Variants in DMD observed in about 807,000 individuals in gnomAD.
DMD encodes dystrophin.
A neutral mutation model predicts 330.1 loss-of-function variants in DMD; 63 were observed. The ratio of observed to expected loss-of-function variants is 0.19; its 90% confidence interval spans 0.16 to 0.24. The LOEUF (loss-of-function observed/expected upper bound fraction) is 0.24. DMD is among the 10% of genes least tolerant of loss of function. The pLI is 1.00. For missense variants in DMD, 3,344 were observed against 2,684.1 expected (o/e 1.25, Z -5.43); for synonymous variants, 1,223 against 959.8 (o/e 1.27, Z -5.07).
chrX:32,596,833 C>A (rs771406846), intron 12 of DMD, among the ~76,000 whole-genome samples: 160 of 111,392 alleles, frequency 1.4e-3, no homozygotes, highest in South Asian at 2.3e-3. Flanking sequence ...AAACGTGAGC[C>A]ACTGTGCCTG....
chrX:32,912,978 A>G (rs1469036245), intron 2 of DMD, among the ~76,000 whole-genome samples: 1 of 112,581 alleles, frequency 8.9e-6, no homozygotes, highest in East Asian at 2.8e-4. Flanking sequence ...TAGTATAACA[A>G]CATCAACCTA....
rs902028992 is a variant in DMD, at chrX:32,996,597, C to A, written c.93+23542G>T. Among the ~76,000 whole-genome samples the A allele has an allele frequency of 3.1e-3, 344 of 111,166 alleles. 1 individual carries two copies. The highest frequency in any genetic ancestry group is 0.01 in the African/African-American group (309 of 30,631). On this transcript the variant is annotated intron_variant, in intron 2 of 78. Transcript: ENST00000357033. ...CAGCACTTTGGGAGGCAGAGGCGGG[C>A]GGGTCACCTGAGGTCAGGAGTTCGA...
intron 29 of DMD, among the ~76,000 whole-genome samples, chrX:32,415,016 C>G (rs1003547006): frequency 3.6e-5 from 4 of 111,512 alleles, no homozygotes; most frequent in African/African-American, 1.3e-4. Context: ...ACAGCTCTTC[C>G]AAAGAAATGG....
chrX:32,540,714 T>C (rs1245761958), intron 17 of DMD, among the ~76,000 whole-genome samples: 2 of 111,963 alleles, frequency 1.8e-5, no homozygotes, highest in African/African-American at 6.5e-5. Flanking sequence ...CTTCCTTTGT[T>C]TTGACGGGCA....
chrX:32,581,632 G>T (rs750173940), intron 13 of DMD, among the ~76,000 whole-genome samples: 1 of 111,599 alleles, frequency 9.0e-6, no homozygotes, highest in Non-Finnish European at 1.9e-5. Context: ...AATTAAAAAT[G>T]GACATTTTTA....
chrX:31,764,995 G>C (rs939910004), intron 51 of DMD, among the ~76,000 whole-genome samples: 7 of 108,881 alleles, frequency 6.4e-5, no homozygotes, highest in Non-Finnish European at 1.3e-4. Context: ...AGAAACCGTG[G>C]CATTATTTTT....
chrX:32,486,717 C>A (rs1280900646), intron 20 of DMD, among the ~76,000 whole-genome samples: 1 of 106,024 alleles, frequency 9.4e-6, no homozygotes, highest in Non-Finnish European at 1.9e-5. Flanking sequence ...ACTATCTGAT[C>A]TTTGACAAAC....
rs398123988 is a variant in DMD at position 32,348,530 on chromosome X, T to TA, written c.5326-3dup. On this transcript the variant is annotated splice_region_variant and splice_polypyrimidine_tract_variant and intron_variant, in intron 37 of 78. Transcript: ENST00000357033. ...CAATTCCTTCAAAGGAATGGAGGCC[T>TA]AAAAAAAAAGATAGTGCTACTTTAA... 5.6e-5 allele frequency: 66 copies of TA among 1,174,873 alleles called. No individual in the cohort carries two copies. Among genetic ancestry groups the TA allele is most frequent in the Admixed American group, 1.8e-4 (8 of 43,356 alleles).
At chrX:31,469,898 T>C (rs1326048876) in intron 59 of DMD, among the ~76,000 whole-genome samples, 3 of 111,323 alleles carry the variant, frequency 2.7e-5, no homozygotes, top group African/African-American at 9.8e-5. Flanking sequence ...AATCTTCTCT[T>C]CATGCTTTAT....
At chrX:32,116,482 A>G (rs1346278604) in intron 44 of DMD, among the ~76,000 whole-genome samples, 1 of 112,325 alleles carries the variant, frequency 8.9e-6, no homozygotes, top group Non-Finnish European at 1.9e-5. Context: ...TACCTGGCAT[A>G]TATCATGTAC....
At chrX:31,644,345 A>AAC (rs922236271) in intron 54 of DMD, among the ~76,000 whole-genome samples, 37 of 111,394 alleles carry the variant, frequency 3.3e-4, no homozygotes, top group African/African-American at 9.1e-4. Flanking sequence ...GCAATGTAAA[A>AAC]ACACACACAC....
At chrX:32,655,184 TG>T (rs752721462) in intron 9 of DMD, among the ~76,000 whole-genome samples, 2 of 111,883 alleles carry the variant, frequency 1.8e-5, no homozygotes, top group Non-Finnish European at 3.8e-5. Context: ...TGCTAGCTTT[TG>T]AATGTGTTTG....
rs901919231 is a variant in DMD at position 31,729,583 on chromosome X, T to G, written c.7660+48A>C. 6 of 970,646 alleles carry G rather than the reference T, an allele frequency of 6.2e-6. No individual in the cohort carries two copies. The Admixed American group carries it at 1.3e-4, about 21-fold the overall frequency. 80.0% of individuals were successfully genotyped at this position (970,646 alleles called of 1,213,427 possible). A position where few individuals can be genotyped will look rare whatever the true frequency, so the allele number is the denominator to read the frequency against. ...TATGAACTTAAGTTTTTATTGAAAC[T>G]TGTCATGCATCTTGCTTTGTGTGTC... is the stretch of plus-strand genomic sequence containing the variant. On this transcript the variant is annotated intron_variant, in intron 52 of 78. Coordinates refer to ENST00000357033, the MANE Select transcript of DMD (RefSeq NM_004006.3).
chrX:32,563,842 C>T (rs981967649), intron 16 of DMD, among the ~76,000 whole-genome samples: 1 of 111,974 alleles, frequency 8.9e-6, no homozygotes, highest in Non-Finnish European at 1.9e-5. Context: ...GGGATTCACA[C>T]ACATATCACT....
chrX:31,828,910 A>G (rs1488864470), intron 49 of DMD, among the ~76,000 whole-genome samples: 2 of 111,606 alleles, frequency 1.8e-5, no homozygotes, highest in African/African-American at 6.5e-5. Flanking sequence ...CCAGAAAAGG[A>G]AATAACAAAA....
intron 52 of DMD, among the ~76,000 whole-genome samples, chrX:31,713,279 ACAGT>A (rs78219542): frequency 0.42 from 46,328 of 109,758 alleles, 8,069 homozygotes; most frequent in African/African-American, 0.63. Context: ...ACTTCAGTAG[ACAGT>A]CAGTCAACAC....
At chrX:33,026,248 C>G (rs760376245) in intron 1 of DMD, among the ~76,000 whole-genome samples, 2 of 89,585 alleles carry the variant, frequency 2.2e-5, no homozygotes, top group South Asian at 6.3e-4. Context: ...CTGGGAGGCG[C>G]AACTTGCAGT....
At chrX:32,387,401 C>G (rs2097966570) in intron 32 of DMD, among the ~76,000 whole-genome samples, 2 of 111,009 alleles carry the variant, frequency 1.8e-5, no homozygotes, top group South Asian at 7.4e-4. Context: ...CATTATGTAT[C>G]TCTGCTTTAA....
chrX:31,970,549 T>C (rs747190016), intron 44 of DMD, among the ~76,000 whole-genome samples: 12 of 110,668 alleles, frequency 1.1e-4, no homozygotes, highest in Non-Finnish European at 1.7e-4. Flanking sequence ...CGGAGGAGAC[T>C]TCTGGGTCAA....
Sources: allele counts gnomAD v4.1 joint callset (sites outside exome capture counted in the v4.1 genomes callset), GRCh38; gene constraint gnomAD v4.1.1; transcripts MANE v1.5; gene names NCBI Gene and HGNC (gene_info 2026-07-23, HGNC 2026-07-21).